The following FHIT variants were observed in gnomAD, a reference collection of about 807,000 sequenced individuals.
FHIT encodes bis(5'-adenosyl)-triphosphatase.
Under a neutral mutation model 17.9 loss-of-function variants are expected in FHIT, and 19 were observed. The observed-to-expected ratio is 1.06, with a 90% confidence interval of 0.74 to 1.56. The LOEUF is 1.56. Ranked by LOEUF, FHIT falls within the 40% of genes most tolerant of loss-of-function variation. FHIT has a pLI of 0.00. For missense variants in FHIT, 248 were observed against 189.2 expected (o/e 1.31, Z -1.82); for synonymous variants, 81 against 69.7 (o/e 1.16, Z -0.81).
chr3:59,891,488 C>T (rs763995038), intron 8 of FHIT, among the ~76,000 whole-genome samples: 2 of 152,150 alleles, frequency 1.3e-5, no homozygotes, highest in South Asian at 4.1e-4. Context: ...AGGGCATGGC[C>T]GTTCTAAGCC....
At chr3:60,181,864 G>T (rs997790597) in intron 5 of FHIT, among the ~76,000 whole-genome samples, 2 of 152,104 alleles carry the variant, frequency 1.3e-5, no homozygotes, top group African/African-American at 4.8e-5. Context: ...GACTCCAAAA[G>T]AAATGGAGGT....
chr3:60,254,440 G>A (rs2107597897), intron 5 of FHIT, among the ~76,000 whole-genome samples: 1 of 152,220 alleles, frequency 6.6e-6, no homozygotes, highest in African/African-American at 2.4e-5. Context: ...CAAACGCACA[G>A]CAGAGACAAG....
chr3:60,899,976 TC>T (rs1706026414), intron 3 of FHIT, among the ~76,000 whole-genome samples: 1 of 152,048 alleles, frequency 6.6e-6, no homozygotes, highest in Non-Finnish European at 1.5e-5. Context: ...CAGTTGAGCA[TC>T]CCCCACTCAT....
chr3:60,607,900 G>T (rs1392662505), intron 4 of FHIT, among the ~76,000 whole-genome samples: 1 of 152,160 alleles, frequency 6.6e-6, no homozygotes, highest in Non-Finnish European at 1.5e-5. Context: ...GATGAATGGA[G>T]AATAGTGTCT....
intron 3 of FHIT, among the ~76,000 whole-genome samples, chr3:60,955,630 A>G (rs1575748318): frequency 1.1e-4 from 5 of 43,608 alleles, no homozygotes; most frequent in South Asian, 6.9e-4. Flanking sequence ...ATATATATAT[A>G]TATACACACA....
rs556346545 is a variant in FHIT at position 61,024,079 on chromosome 3, A to G, written c.-111+17968T>C. Among the ~76,000 whole-genome samples the G allele has an allele frequency of 2.1e-4, 32 of 152,210 alleles. No individual in the cohort carries two copies. In the South Asian group the frequency reaches 6.4e-3, roughly 31 times the overall value. The stretch of plus-strand genomic sequence containing the variant: ...AATCAAATTGGAGAAATAACATAGT[A>G]TATTTTACAAAATGTAAATTTGTGA... On this transcript the variant is annotated intron_variant, in intron 3 of 9. Coordinates refer to ENST00000492590, the MANE Select transcript of FHIT (RefSeq NM_002012.4).
At chr3:60,828,290 C>G (rs1553741558) in intron 3 of FHIT, among the ~76,000 whole-genome samples, 1 of 152,096 alleles carries the variant, frequency 6.6e-6, no homozygotes, top group Non-Finnish European at 1.5e-5. Flanking sequence ...ACCATTTTAA[C>G]ATTATCATTA....
intron 5 of FHIT, among the ~76,000 whole-genome samples, chr3:60,382,562 C>T (rs552807083): frequency 1.3e-5 from 2 of 152,240 alleles, no homozygotes; most frequent in South Asian, 2.1e-4. Flanking sequence ...GTCCATTTTA[C>T]CTACATGTGA....
Position 60,464,977 on chromosome 3 carries a change from A to G in FHIT, c.103+71883T>C, listed in dbSNP as rs113185114. On this transcript the variant is annotated intron_variant, in intron 5 of 9. Transcript: ENST00000492590. ...GTACTAATTTACATTCCCACCAACA[A>G]TGTATGAGAGTTCACTTTTCTCAAC... Among the ~76,000 whole-genome samples the G allele has an allele frequency of 2.8e-3, 426 of 152,168 alleles. 2 individuals carry two copies. Among genetic ancestry groups the G allele is most frequent in the African/African-American group, 9.9e-3 (410 of 41,540 alleles).
intron 4 of FHIT, among the ~76,000 whole-genome samples, chr3:60,678,132 T>G (rs2107856380): frequency 6.6e-6 from 1 of 152,328 alleles, no homozygotes; most frequent in African/African-American, 2.4e-5. Context: ...CTTGGTATTG[T>G]TATCTTGGTT....
chr3:61,154,665 G>A (rs2037485392), intron 2 of FHIT, among the ~76,000 whole-genome samples: 1 of 152,132 alleles, frequency 6.6e-6, no homozygotes, highest in African/African-American at 2.4e-5. Context: ...TCGGCCATCT[G>A]ATATTGCAGC....
At chr3:60,178,235 T>C (rs1701770103) in intron 5 of FHIT, among the ~76,000 whole-genome samples, 1 of 152,146 alleles carries the variant, frequency 6.6e-6, no homozygotes, top group Non-Finnish European at 1.5e-5. Context: ...CATCTTTTTA[T>C]TTCACAAATG....
At chr3:60,793,897 C>T (rs1553729389) in intron 4 of FHIT, among the ~76,000 whole-genome samples, 1 of 152,152 alleles carries the variant, frequency 6.6e-6, no homozygotes, top group African/African-American at 2.4e-5. Flanking sequence ...CCGAAGCAGC[C>T]ATTGGAAGGT....
intron 8 of FHIT, among the ~76,000 whole-genome samples, chr3:59,893,737 T>C (rs1364633781): frequency 6.6e-6 from 1 of 152,214 alleles, no homozygotes; most frequent in African/African-American, 2.4e-5. Flanking sequence ...TGCTTTCAGA[T>C]TTACGTGATA....
At chr3:61,249,345 A>G (rs934569393) in intron 1 of FHIT, among the ~76,000 whole-genome samples, 1 of 152,246 alleles carries the variant, frequency 6.6e-6, no homozygotes, top group Non-Finnish European at 1.5e-5. Context: ...ACATATATAT[A>G]TGGAATCTTT....
chr3:61,215,559 G>T (rs1310000715), intron 1 of FHIT, among the ~76,000 whole-genome samples: 3 of 152,120 alleles, frequency 2.0e-5, no homozygotes, highest in Non-Finnish European at 4.4e-5. Flanking sequence ...CATGAAAATG[G>T]CCATACTGCC....
chr3:60,928,894 C>T (rs576714564), intron 3 of FHIT, among the ~76,000 whole-genome samples: 3 of 152,270 alleles, frequency 2.0e-5, no homozygotes, highest in Admixed American at 1.3e-4. Flanking sequence ...ATACCAAAGC[C>T]TGGCAGAGAC....
At chr3:59,955,981 T>C (rs1444078048) in intron 7 of FHIT, among the ~76,000 whole-genome samples, 1 of 152,186 alleles carries the variant, frequency 6.6e-6, no homozygotes, top group Non-Finnish European at 1.5e-5. Context: ...TTCCTCTTGT[T>C]CATAGAATAA....
At chr3:59,900,902 C>G (rs547200054) in intron 8 of FHIT, among the ~76,000 whole-genome samples, 3 of 152,318 alleles carry the variant, frequency 2.0e-5, no homozygotes, top group Admixed American at 2.0e-4. Context: ...ACGTGAGCCA[C>G]TGCGCCCGGC....
Sources: gnomAD v4.1 joint callset for allele counts (sites outside exome capture counted in the v4.1 genomes callset) on GRCh38, gnomAD v4.1.1 for gene constraint, MANE v1.5 for transcripts, NCBI Gene and HGNC (gene_info 2026-07-23, HGNC 2026-07-21) for gene names.